The following FER1L6 variants were observed in gnomAD, a reference collection of about 807,000 sequenced individuals.
FER1L6 encodes the protein fer-1-like protein 6.
A neutral mutation model predicts 219.2 loss-of-function variants in FER1L6; 177 were observed. That is an observed-to-expected ratio of 0.81 (90% CI 0.71 to 0.91). FER1L6 has a LOEUF of 0.91. Among genes scored for constraint, FER1L6 ranks in the 40% least tolerant of loss-of-function variants. FER1L6 has a pLI of 0.00. For missense variants in FER1L6, 2,153 were observed against 2,259.9 expected (o/e 0.95, Z 0.96); for synonymous variants, 768 against 824.3 (o/e 0.93, Z 1.17).
At chr8:124,076,172 A>G (rs752479810) in intron 31 of FER1L6, 26 bp from the exon 32 acceptor site, 2 of 1,613,236 alleles carry the variant, frequency 1.2e-6, no homozygotes, top group South Asian at 2.2e-5. Context: ...CTATTGAACC[A>G]AAGACATTTT....
In FER1L6 at chr8:123,978,382, C is replaced by T. The variant is rs149852201; in HGVS notation, c.1063+773C>T. Among the ~76,000 whole-genome samples, 246 of 152,198 alleles carry T rather than the reference C, an allele frequency of 1.6e-3. 2 individuals are homozygous for T. The highest frequency in any genetic ancestry group is 5.6e-3 in the African/African-American group (233 of 41,518). On this transcript the variant is annotated intron_variant, in intron 10 of 40. Coordinates refer to ENST00000522917, the MANE Select transcript of FER1L6 (RefSeq NM_001039112.2). ...TGCACTGACTGTGCACACTTTGAGC[C>T]AGGGTGGGAGCTGAGAGCTGGTGGA...
intron 3 of FER1L6, among the ~76,000 whole-genome samples, chr8:123,965,532 T>A (rs1815498461): frequency 6.6e-6 from 1 of 152,190 alleles, no homozygotes; most frequent in African/African-American, 2.4e-5. Context: ...TCCCTTCAAT[T>A]TTTTCCTTTA....
At chr8:124,101,877 A>G (rs1438529314) in intron 38 of FER1L6, among the ~76,000 whole-genome samples, 2 of 152,204 alleles carry the variant, frequency 1.3e-5, no homozygotes, top group Admixed American at 1.3e-4. Context: ...GGGAGATATA[A>G]GACATCAATC....
chr8:123,967,439 C>T (rs1281820049), intron 5 of FER1L6, among the ~76,000 whole-genome samples: 1 of 152,178 alleles, frequency 6.6e-6, no homozygotes, highest in African/African-American at 2.4e-5. Flanking sequence ...TATACTAAAC[C>T]AGTCAGTCTC....
chr8:124,035,223 G>T, intron 18 of FER1L6, 54 bp from the exon 19 acceptor site: 1 of 1,559,354 alleles, frequency 6.4e-7, no homozygotes, highest in South Asian at 1.2e-5. Flanking sequence ...CAAAAGGGGA[G>T]GCCTATAATT....
intron 1 of FER1L6, among the ~76,000 whole-genome samples, chr8:123,888,893 A>G (rs895387512): frequency 1.1e-4 from 17 of 152,252 alleles, no homozygotes; most frequent in African/African-American, 3.9e-4. Context: ...TACAAATAAA[A>G]GAGTCTCATA....
intron 1 of FER1L6, among the ~76,000 whole-genome samples, chr8:123,913,265 AT>A (rs943350390): frequency 6.6e-6 from 1 of 151,518 alleles, no homozygotes; most frequent in African/African-American, 2.4e-5. Context: ...GGTTAGTTCC[AT>A]TTTTTTCCAT....
At chr8:124,042,195 T>C (rs1472090444) in intron 20 of FER1L6, among the ~76,000 whole-genome samples, 2 of 152,242 alleles carry the variant, frequency 1.3e-5, no homozygotes, top group African/African-American at 2.4e-5. Context: ...CCATACAGCA[T>C]CTTCATTTGA....
At chr8:124,018,717 C>A (rs1818312832) in intron 16 of FER1L6, among the ~76,000 whole-genome samples, 1 of 152,152 alleles carries the variant, frequency 6.6e-6, no homozygotes, top group African/African-American at 2.4e-5. Flanking sequence ...GCATTTCCAG[C>A]CTCCTAATGG....
chr8:124,006,597 G>C (rs1023492922), intron 13 of FER1L6, among the ~76,000 whole-genome samples: 1 of 152,206 alleles, frequency 6.6e-6, no homozygotes, highest in African/African-American at 2.4e-5. Context: ...GGGCTTTCCA[G>C]TGTTGCAAAG....
chr8:123,929,067 T>G (rs4871435), intron 1 of FER1L6, among the ~76,000 whole-genome samples: 59,434 of 152,034 alleles, frequency 0.39, 12,247 homozygotes, highest in South Asian at 0.52. Flanking sequence ...TAAAAGATGA[T>G]CTATGAAGAA....
At position 123,852,373 on chromosome 8, in the gene FER1L6, G is replaced by A. The variant is rs1460516669; in HGVS notation, c.-8+188G>A. Among the ~76,000 whole-genome samples, 1 of 152,034 alleles carries A rather than the reference G, an allele frequency of 6.6e-6. No homozygotes were observed. The highest frequency in any genetic ancestry group is 2.4e-5 in the African/African-American group (1 of 41,402). On this transcript the variant is annotated intron_variant, in intron 1 of 40. Transcript: ENST00000522917. This position sits in a 1 kb window ranked among gnomAD's most constrained non-coding sequence, Gnocchi z 4.9. The stretch of plus-strand genomic sequence containing the variant: ...ACCCCAGGGAATGGTGCCATATATT[G>A]GGGACTCAGCATTGGTCTCTGCTGT...
chr8:123,972,852 C>T (rs1280034591), intron 6 of FER1L6, among the ~76,000 whole-genome samples: 1 of 152,206 alleles, frequency 6.6e-6, no homozygotes, highest in African/African-American at 2.4e-5. Context: ...GGCACCAGCT[C>T]TGCACCTTCC....
intron 18 of FER1L6, among the ~76,000 whole-genome samples, chr8:124,026,475 G>A (rs77498438): frequency 0.014 from 2,109 of 152,178 alleles, 41 homozygotes; most frequent in African/African-American, 0.047. Flanking sequence ...AGTGTTTGTG[G>A]GGCAGTATAT....
chr8:123,898,834 T>TAC (rs1404717763), intron 1 of FER1L6, among the ~76,000 whole-genome samples: 16 of 87,666 alleles, frequency 1.8e-4, no homozygotes, highest in African/African-American at 5.2e-4. Context: ...TATATATATA[T>TAC]ATACATACAT....
intron 18 of FER1L6, among the ~76,000 whole-genome samples, chr8:124,025,915 T>G (rs1818688421): frequency 1.3e-5 from 2 of 152,368 alleles, no homozygotes; most frequent in South Asian, 2.1e-4. Context: ...CCATGGCATC[T>G]TCTCACATGA....
intron 1 of FER1L6, among the ~76,000 whole-genome samples, chr8:123,879,289 C>A (rs1817063291): frequency 6.6e-6 from 1 of 152,008 alleles, no homozygotes; most frequent in Non-Finnish European, 1.5e-5. Flanking sequence ...GGCAACAAAG[C>A]AAAACCCTTT....
At chr8:123,875,976 G>T (rs1385803648) in intron 1 of FER1L6, among the ~76,000 whole-genome samples, 1 of 152,126 alleles carries the variant, frequency 6.6e-6, no homozygotes, top group East Asian at 1.9e-4. Flanking sequence ...TCTCCCATCA[G>T]AATTCAGAAT....
chr8:123,943,214 A>G (rs1185741707), intron 1 of FER1L6, among the ~76,000 whole-genome samples: 2 of 152,242 alleles, frequency 1.3e-5, no homozygotes, highest in Non-Finnish European at 2.9e-5. Context: ...ATAAACAGTA[A>G]AAACATGAGC....
Sources: gnomAD v4.1 joint callset for allele counts (sites outside exome capture counted in the v4.1 genomes callset) on GRCh38, gnomAD v4.1.1 for gene constraint, Gnocchi (gnomAD v3.1) non-coding constraint, MANE v1.5 for transcripts, NCBI Gene and HGNC (gene_info 2026-07-23, HGNC 2026-07-21) for gene names.